Variants in SLC25A26 observed in about 807,000 individuals in gnomAD.
SLC25A26 encodes the protein solute carrier family 25 member 26, also known as mitochondrial S-adenosylmethionine carrier protein.
Under a neutral mutation model 37.8 loss-of-function variants are expected in SLC25A26, and 36 were observed. The observed-to-expected ratio is 0.95, with a 90% CI of 0.73 to 1.26. The LOEUF (loss-of-function observed/expected upper bound fraction) is 1.26, where lower values mean the gene tolerates loss of function less well. Among genes scored for constraint, SLC25A26 ranks in the 50% most tolerant of loss-of-function variants. The probability of loss-of-function intolerance (pLI) is 0.00; values close to 1 mark genes in which losing one functional copy is unlikely to be tolerated. For missense variants in SLC25A26, 390 were observed against 331.1 expected (o/e 1.18, Z -1.38); for synonymous variants, 129 against 122.5 (o/e 1.05, Z -0.35).
chr3:66,374,577 C>G (rs907192494), intron 9 of SLC25A26, among the ~76,000 whole-genome samples: 4 of 152,174 alleles, frequency 2.6e-5, no homozygotes, highest in Non-Finnish European at 4.4e-5. Context: ...AGAATCACAC[C>G]TTTCTCATTT....
At chr3:66,260,201 C>A (rs891145900) in intron 3 of SLC25A26, among the ~76,000 whole-genome samples, 2 of 152,212 alleles carry the variant, frequency 1.3e-5, no homozygotes, top group Non-Finnish European at 2.9e-5. Context: ...CGCCCCACCC[C>A]CCTTTTGGCC....
Position 66,228,724 on chromosome 3 carries a change from T to A in SLC25A26, c.33+7597T>A, listed in dbSNP as rs184562024. Among the ~76,000 whole-genome samples, 53 of 152,348 alleles carry A rather than the reference T, an allele frequency of 3.5e-4. 1 individual carries two copies. Among genetic ancestry groups the A allele is most frequent in the Admixed American group, 2.8e-3 (43 of 15,306 alleles). On this transcript the variant is annotated intron_variant, in intron 1 of 9. Transcript: ENST00000354883. ...TTACTGAGCACTTTAAAAGTGCTTA[T>A]GCAACTTTTTCATAGCTGAGGTCAT...
At chr3:66,286,679 T>G (rs2107482124) in intron 5 of SLC25A26, among the ~76,000 whole-genome samples, 1 of 152,298 alleles carries the variant, frequency 6.6e-6, no homozygotes, top group South Asian at 2.1e-4. Flanking sequence ...CGTTTTTTAA[T>G]TTAATTTTCT....
At chr3:66,322,425 C>G (rs1277188075) in intron 5 of SLC25A26, among the ~76,000 whole-genome samples, 1 of 152,188 alleles carries the variant, frequency 6.6e-6, no homozygotes, top group Non-Finnish European at 1.5e-5. Flanking sequence ...GCTACAGTTT[C>G]AATCTCATTA....
chr3:66,335,435 T>C (rs1191412477), intron 5 of SLC25A26, among the ~76,000 whole-genome samples: 2 of 152,198 alleles, frequency 1.3e-5, no homozygotes, highest in Admixed American at 6.5e-5. Context: ...TTGTATATAA[T>C]TGATATTCAC....
intron 1 of SLC25A26, among the ~76,000 whole-genome samples, chr3:66,144,490 A>G (rs1465109929): frequency 6.6e-6 from 1 of 152,146 alleles, no homozygotes; most frequent in Non-Finnish European, 1.5e-5. Flanking sequence ...GGTACAATTT[A>G]TTTTGCATCA....
intron 1 of SLC25A26, among the ~76,000 whole-genome samples, chr3:66,156,917 G>A (rs1257001562): frequency 6.6e-6 from 1 of 151,960 alleles, no homozygotes; most frequent in East Asian, 1.9e-4. Context: ...CTAACTTCAG[G>A]GCAGTTCCGT....
intron 5 of SLC25A26, among the ~76,000 whole-genome samples, chr3:66,311,651 G>C (rs930637937): frequency 6.6e-6 from 1 of 152,092 alleles, no homozygotes; most frequent in Non-Finnish European, 1.5e-5. Flanking sequence ...CTTTGACGCG[G>C]ATGACTTTTG....
At chr3:66,348,629 G>T (rs2076381151) in intron 6 of SLC25A26, among the ~76,000 whole-genome samples, 1 of 152,166 alleles carries the variant, frequency 6.6e-6, no homozygotes, top group South Asian at 2.1e-4. Flanking sequence ...GAAATAAATT[G>T]TTGAGGTATA....
At chr3:66,136,660 C>G (rs935884726) in intron 1 of SLC25A26, among the ~76,000 whole-genome samples, 1 of 152,240 alleles carries the variant, frequency 6.6e-6, no homozygotes, top group African/African-American at 2.4e-5. Flanking sequence ...CACCTAAGCT[C>G]TGGCTTTCAG....
At chr3:66,340,642 T>G (rs1376001690) in intron 5 of SLC25A26, among the ~76,000 whole-genome samples, 1 of 152,084 alleles carries the variant, frequency 6.6e-6, no homozygotes, top group African/African-American at 2.4e-5. Context: ...TTCAGTTGTT[T>G]CAGTGCCATT....
At position 66,370,519 on chromosome 3, in the gene SLC25A26, G is replaced by C. The variant is rs1433772362; in HGVS notation, c.634-10G>C. ...GAAGATAACGGGTTTCTCTTTGTCT[G>C]TTCACACAGGCTGGCTCCAGCACTG... On this transcript the variant is annotated splice_polypyrimidine_tract_variant and intron_variant, in intron 8 of 9. Transcript: ENST00000354883. 1.9e-6 allele frequency: 3 copies of C among 1,612,782 alleles called. No individual in the cohort carries two copies. The highest frequency in any genetic ancestry group is 4.5e-5 in the East Asian group (2 of 44,876).
intron 5 of SLC25A26, among the ~76,000 whole-genome samples, chr3:66,309,828 C>T (rs2075327086): frequency 6.6e-6 from 1 of 151,854 alleles, no homozygotes; most frequent in South Asian, 2.1e-4. Context: ...TTTCTTAATC[C>T]TGAGTTCTAA....
intron 5 of SLC25A26, among the ~76,000 whole-genome samples, chr3:66,343,301 TGAA>T (rs563426597): frequency 4.6e-5 from 7 of 152,266 alleles, no homozygotes; most frequent in Non-Finnish European, 7.3e-5. Context: ...AATTTTGACT[TGAA>T]GAATATTTGA....
At chr3:66,165,115 G>A (rs1380184110) in intron 1 of SLC25A26, among the ~76,000 whole-genome samples, 2 of 152,202 alleles carry the variant, frequency 1.3e-5, no homozygotes. Flanking sequence ...AGGGGAAGGT[G>A]GCTGTCATAT....
chr3:66,285,425 G>T (rs1363078234), intron 5 of SLC25A26, among the ~76,000 whole-genome samples: 2 of 132,654 alleles, frequency 1.5e-5, no homozygotes, highest in Non-Finnish European at 3.2e-5. Flanking sequence ...TTTACATAAG[G>T]TAGTTCTTAT....
intron 5 of SLC25A26, among the ~76,000 whole-genome samples, chr3:66,310,605 T>C (rs7616265): frequency 0.18 from 27,239 of 152,164 alleles, 3,542 homozygotes; most frequent in East Asian, 0.68. Context: ...TCTTTACAAT[T>C]TGTTGTTTTT....
intron 3 of SLC25A26, among the ~76,000 whole-genome samples, chr3:66,250,431 A>G (rs76252106): frequency 0.021 from 3,267 of 152,332 alleles, 41 homozygotes; most frequent in African/African-American, 0.031. Flanking sequence ...TGACTTTACA[A>G]TGGTGCAAGA....
At chr3:66,184,362 C>T (rs989663363) in intron 1 of SLC25A26, among the ~76,000 whole-genome samples, 5 of 152,004 alleles carry the variant, frequency 3.3e-5, no homozygotes, top group Admixed American at 2.0e-4. Flanking sequence ...GACTCAATCC[C>T]GACCCTGACC....
Sources: allele counts gnomAD v4.1 joint callset (sites outside exome capture counted in the v4.1 genomes callset), GRCh38; gene constraint gnomAD v4.1.1; transcripts MANE v1.5; gene names NCBI Gene and HGNC (gene_info 2026-07-23, HGNC 2026-07-21).